Variants in DYNLRB1 observed in about 807,000 individuals in gnomAD.
DYNLRB1 encodes ROBL/LC7-like 1.
A neutral mutation model predicts 13.5 loss-of-function variants in DYNLRB1; 6 were observed. That is an observed-to-expected ratio of 0.44 (90% CI 0.24 to 0.88). The LOEUF is 0.88. DYNLRB1 is among the 40% of genes least tolerant of loss of function. The pLI, the probability that DYNLRB1 is intolerant of heterozygous loss-of-function variation, is 0.21. For synonymous variants in DYNLRB1, 43 were observed against 45.0 expected, an observed-to-expected ratio of 0.96 and a Z score of 0.18; for missense variants, 93 against 127.2, an observed-to-expected ratio of 0.73 and a Z score of 1.29.
upstream of DYNLRB1, chr20:34,516,307 G>T (rs768484244): frequency 7.9e-7 from 1 of 1,260,430 alleles, no homozygotes; most frequent in Non-Finnish European, 1.1e-6. Flanking sequence ...AAGAATCCTG[G>T]CGGAGCCAAG....
At chr20:34,531,979 A>G (rs1274067386) in intron 2 of DYNLRB1, among the ~76,000 whole-genome samples, 2 of 152,198 alleles carry the variant, frequency 1.3e-5, no homozygotes, top group African/African-American at 2.4e-5. Context: ...AAACCATGCC[A>G]AGTCTTGGGA....
chr20:34,537,574 A>G (rs1981246712), intron 3 of DYNLRB1, among the ~76,000 whole-genome samples: 1 of 152,130 alleles, frequency 6.6e-6, no homozygotes, highest in Non-Finnish European at 1.5e-5. Flanking sequence ...CAGTGATTTG[A>G]CACTTTGACA....
intron 1 of DYNLRB1, chr20:34,516,827 A>G (rs1199187662): frequency 6.5e-7 from 1 of 1,549,362 alleles, no homozygotes; most frequent in Non-Finnish European, 8.7e-7. Context: ...AGGCTCTGCC[A>G]AGCACTTTAT....
At chr20:34,527,933 A>G (rs1299362604) in intron 2 of DYNLRB1, among the ~76,000 whole-genome samples, 3 of 152,254 alleles carry the variant, frequency 2.0e-5, no homozygotes, top group Non-Finnish European at 4.4e-5. Flanking sequence ...CACTTCAGTC[A>G]GAGCACACAC....
chr20:34,526,485 C>CTTTTTTTTTT (rs386393667), intron 2 of DYNLRB1, 142 bp downstream of exon 2: 56 of 238,950 alleles, frequency 2.3e-4, no homozygotes, highest in Non-Finnish European at 3.3e-4. Flanking sequence ...CTCCAGTGTT[C>CTTTTTTTTTT]TTTTTTTTTT....
intron 3 of DYNLRB1, chr20:34,535,114 C>T (rs1181168950): frequency 1.0e-6 from 1 of 985,170 alleles, no homozygotes; most frequent in Non-Finnish European, 1.2e-6. Flanking sequence ...CCAGGCCTGT[C>T]TGGGGCTGTC....
rs377530739 is a variant in DYNLRB1 at position 34,525,167 on chromosome 20, C to A, written c.4-1101C>A. ...CAAGAATTCATTGTGCTGTCTCCAC[C>A]CAGTGTTGAGGATCCCCCCCCCCAT... is the stretch of plus-strand genomic sequence containing the variant. On this transcript the variant is annotated intron_variant, in intron 1 of 3. Transcript: ENST00000357156. Among the ~76,000 whole-genome samples the A allele has an allele frequency of 5.3e-4, 81 of 151,956 alleles. 1 individual carries two copies. In the South Asian group the frequency reaches 0.016, roughly 31 times the overall value.
rs75679267 is a variant in DYNLRB1, at chr20:34,533,516, C to T, written c.80-1112C>T. On this transcript the variant is annotated intron_variant, in intron 2 of 3. Transcript: ENST00000357156. ...GCACAAGCTGACTTTTTCTCTTCTA[C>T]TTTTTAGTGTGTAGAAGTTTGTGGC... is the stretch of plus-strand genomic sequence containing the variant. 7.0e-4 allele frequency: 685 copies of T among 985,444 alleles called. 14 individuals carry two copies. The East Asian group carries it at 0.062, about 89-fold the overall frequency. 61.0% of individuals were successfully genotyped at this position (985,444 alleles called of 1,614,324 possible). A position where few individuals can be genotyped will look rare whatever the true frequency, so the allele number is the denominator to read the frequency against.
chr20:34,521,112 A>C (rs956105575), intron 1 of DYNLRB1, among the ~76,000 whole-genome samples: 45 of 152,208 alleles, frequency 3.0e-4, no homozygotes, highest in Admixed American at 6.5e-4. Context: ...TCCCAGGTTC[A>C]AGCAATTTTC....
chr20:34,519,370 A>C (rs536939076), intron 1 of DYNLRB1, among the ~76,000 whole-genome samples: 124 of 152,316 alleles, frequency 8.1e-4, no homozygotes, highest in African/African-American at 2.7e-3. Flanking sequence ...GCTGTTTATT[A>C]GATGAAACTG....
At chr20:34,526,656 A>G (rs1375747024) in intron 2 of DYNLRB1, 2 of 354,098 alleles carry the variant, frequency 5.6e-6, no homozygotes, top group Non-Finnish European at 1.0e-5. Context: ...CACCACCCTG[A>G]CAGATCACAC....
At chr20:34,524,927 G>T (rs1197012236) in intron 1 of DYNLRB1, among the ~76,000 whole-genome samples, 1 of 152,038 alleles carries the variant, frequency 6.6e-6, no homozygotes, top group Non-Finnish European at 1.5e-5. Context: ...GAGTTTCACC[G>T]TGTTAGCCAG....
intron 2 of DYNLRB1, among the ~76,000 whole-genome samples, chr20:34,533,911 C>T (rs1434628609): frequency 2.0e-5 from 3 of 151,616 alleles, no homozygotes; most frequent in Non-Finnish European, 4.4e-5. Context: ...CCGAGGTGGG[C>T]GGATCACCTG....
chr20:34,520,789 G>T (rs1979650102), intron 1 of DYNLRB1, among the ~76,000 whole-genome samples: 1 of 152,080 alleles, frequency 6.6e-6, no homozygotes, highest in Non-Finnish European at 1.5e-5. Context: ...CTGTGATGAT[G>T]CTTCTGTGAA....
At chr20:34,529,986 C>T (rs1980585219) in intron 2 of DYNLRB1, 7 of 1,309,890 alleles carry the variant, frequency 5.3e-6, no homozygotes, top group Non-Finnish European at 6.8e-6. Context: ...CTGTGATGGT[C>T]CAGGGAATCT....
chr20:34,534,924 G>C (rs1339489765), intron 3 of DYNLRB1, 129 bp downstream of exon 3: 1 of 1,533,706 alleles, frequency 6.5e-7, no homozygotes, highest in Non-Finnish European at 8.8e-7. Context: ...AAGGAATTGG[G>C]TTGTTGCCTC....
rs540568024 is a variant in DYNLRB1 at position 34,521,451 on chromosome 20, T to C, written c.4-4817T>C. 2.6e-5 allele frequency among the ~76,000 whole-genome samples: 4 copies of C among 152,342 alleles called. No homozygotes were observed. The East Asian group carries it at 7.7e-4, about 29-fold the overall frequency. ...TGTTCTTAGTCATTTTGTGTTTTTT[T>C]TTTATTTATTTTGTCTGTTATATTT... On this transcript the variant is annotated intron_variant, in intron 1 of 3. Transcript: ENST00000357156.
intron 3 of DYNLRB1, among the ~76,000 whole-genome samples, chr20:34,537,396 G>T (rs1307651700): frequency 6.6e-6 from 1 of 152,164 alleles, no homozygotes; most frequent in African/African-American, 2.4e-5. Context: ...GAGGGCAGGG[G>T]CTTGTAAGCA....
intron 1 of DYNLRB1, among the ~76,000 whole-genome samples, chr20:34,522,197 T>C (rs533823785): frequency 4.6e-5 from 7 of 152,230 alleles, no homozygotes; most frequent in Admixed American, 4.6e-4. Flanking sequence ...ACCTCCTCAG[T>C]TGTGGTCACC....
Sources: allele counts gnomAD v4.1 joint callset (sites outside exome capture counted in the v4.1 genomes callset), GRCh38; gene constraint gnomAD v4.1.1; transcripts MANE v1.5; gene names NCBI Gene and HGNC (gene_info 2026-07-23, HGNC 2026-07-21).